ADARB2: variants seen among roughly 807,000 people sequenced by gnomAD.
ADARB2 encodes inactive double-stranded RNA-specific editase B2.
In ADARB2, 25 loss-of-function variants were observed where a neutral mutation model predicts 62.2. The ratio of observed to expected loss-of-function variants is 0.40; its 90% CI spans 0.29 to 0.56. The LOEUF (loss-of-function observed/expected upper bound fraction) is 0.56. ADARB2 is among the 20% of genes least tolerant of loss of function. ADARB2 has a pLI of 0.43. For synonymous variants in ADARB2, 572 were observed against 500.8 expected (o/e 1.14, Z -1.90); for missense variants, 1,071 against 1,077.4 (o/e 0.99, Z 0.08).
At chr10:1,726,843 G>T (rs1030052295) in intron 1 of ADARB2, among the ~76,000 whole-genome samples, 1 of 152,082 alleles carries the variant, frequency 6.6e-6, no homozygotes, top group Admixed American at 6.5e-5. Context: ...GAGACCTCAG[G>T]GGCTCACGCT....
chr10:1,591,399 C>T (rs893826619), intron 1 of ADARB2, among the ~76,000 whole-genome samples: 3 of 152,076 alleles, frequency 2.0e-5, no homozygotes, highest in Non-Finnish European at 4.4e-5. Flanking sequence ...TAAAAGGGTT[C>T]GCTGCTGAGG....
chr10:1,474,714 G>C (rs901597016), intron 1 of ADARB2, among the ~76,000 whole-genome samples: 2 of 152,290 alleles, frequency 1.3e-5, no homozygotes, highest in African/African-American at 4.8e-5. Flanking sequence ...GAATGCGTGG[G>C]AATGGATGAG....
At chr10:1,290,962 C>T (rs1831460847) in intron 3 of ADARB2, 1 of 152,142 alleles carries the variant, frequency 6.6e-6, no homozygotes, top group South Asian at 2.1e-4. Flanking sequence ...CATTTGTGTG[C>T]TGACATGAGG....
In ADARB2 at chr10:1,326,779, T is replaced by TCCCCACGGCCCAGCG. The variant is rs1831852595; in HGVS notation, c.1077+36248_1077+36249insCGCTGGGCCGTGGGG. ...ACGGCGCCTCTGGTAGCACAGCCCC[T>TCCCCACGGCCCAGCG]CCTCACTGCCCAGCGCCTCCCCACG... On this transcript the variant is annotated intron_variant, in intron 3 of 9. Transcript: ENST00000381312. 1.8e-3 allele frequency among the ~76,000 whole-genome samples: 101 copies of TCCCCACGGCCCAGCG among 54,718 alleles called. 31 individuals carry two copies. The highest frequency in any genetic ancestry group is 9.1e-3 in the East Asian group (11 of 1,212). 35.9% of individuals were successfully genotyped at this position (54,718 alleles called of 152,430 possible).
intron 1 of ADARB2, among the ~76,000 whole-genome samples, chr10:1,668,403 G>A (rs1262390289): frequency 6.6e-6 from 1 of 152,218 alleles, no homozygotes; most frequent in Non-Finnish European, 1.5e-5. Context: ...TGTGCTGTTA[G>A]TGCAGTGGAA....
intron 1 of ADARB2, among the ~76,000 whole-genome samples, chr10:1,421,906 T>C (rs1832855269): frequency 6.6e-6 from 1 of 152,240 alleles, no homozygotes; most frequent in Non-Finnish European, 1.5e-5. Flanking sequence ...GGAAGAGCTA[T>C]GTACCCATTG....
At chr10:1,659,236 A>C (rs1834212221) in intron 1 of ADARB2, among the ~76,000 whole-genome samples, 1 of 152,200 alleles carries the variant, frequency 6.6e-6, no homozygotes, top group African/African-American at 2.4e-5. Flanking sequence ...TGCCTATTGC[A>C]CTGTAAATCT....
chr10:1,233,242 A>G (rs4880493), intron 6 of ADARB2, among the ~76,000 whole-genome samples: 54,101 of 152,062 alleles, frequency 0.36, 10,114 homozygotes, highest in East Asian at 0.56. Flanking sequence ...GTGGAACTTT[A>G]TAGTTCACCT....
At chr10:1,385,842 A>G (rs1220388844) in intron 1 of ADARB2, among the ~76,000 whole-genome samples, 2 of 152,180 alleles carry the variant, frequency 1.3e-5, no homozygotes, top group African/African-American at 4.8e-5. Context: ...CAGCACAGCC[A>G]GATTCCTGAA....
intron 1 of ADARB2, among the ~76,000 whole-genome samples, chr10:1,632,741 C>A (rs1371367945): frequency 6.6e-6 from 1 of 152,236 alleles, no homozygotes; most frequent in African/African-American, 2.4e-5. Flanking sequence ...GACCTCACAG[C>A]CCAGCAGTCA....
chr10:1,372,998 CA>C (rs1412793304), intron 2 of ADARB2, among the ~76,000 whole-genome samples: 1 of 152,090 alleles, frequency 6.6e-6, no homozygotes, highest in African/African-American at 2.4e-5. Context: ...GAGACACAAA[CA>C]AATGGAAAAC....
chr10:1,212,934 C>T (rs981106240), intron 7 of ADARB2, among the ~76,000 whole-genome samples: 9 of 152,210 alleles, frequency 5.9e-5, no homozygotes, highest in East Asian at 3.9e-4. Context: ...AGAACTCAGA[C>T]GCAGAAGCAG....
rs1299749692 is a variant in ADARB2, at chr10:1,503,534, C to A, written c.101-124374G>T. ...TGTGAGCCCTTCACATTCATTGTAT[C>A]ATTTCCTTTATACAGCACGATATAG... On this transcript the variant is annotated intron_variant, in intron 1 of 9. Transcript: ENST00000381312. Among the ~76,000 whole-genome samples the A allele has an allele frequency of 4.6e-5, 7 of 152,192 alleles. No individual in the cohort carries two copies. In the East Asian group the frequency reaches 1.4e-3, roughly 29 times the overall value.
intron 1 of ADARB2, among the ~76,000 whole-genome samples, chr10:1,499,819 C>G (rs1831742139): frequency 6.6e-6 from 1 of 152,122 alleles, no homozygotes. Flanking sequence ...ACATCACTCA[C>G]TCATCACTTA....
intron 4 of ADARB2, among the ~76,000 whole-genome samples, chr10:1,262,633 A>G (rs1033416240): frequency 1.2e-4 from 18 of 152,138 alleles, no homozygotes; most frequent in African/African-American, 4.3e-4. Flanking sequence ...AGGAAACAAC[A>G]GGTGCTGGAG....
rs1564225308 is a variant in ADARB2 at position 1,220,276 on chromosome 10, GTAATGGTGATGGTGGTGGTGA to G, written c.1514-3178_1514-3158del. Among the ~76,000 whole-genome samples the G allele has an allele frequency of 3.2e-5, 3 of 93,238 alleles. No homozygotes were observed. The South Asian group carries it at 1.2e-3, about 36-fold the overall frequency. The allele number at this position is 93,238 out of a possible 152,430, so 61.2% of individuals were successfully genotyped here. A position where few individuals can be genotyped will look rare whatever the true frequency, so the allele number is the denominator to read the frequency against. ...GGTGGTGATGATGGTGGTGATGATG[GTAATGGTGATGGTGGTGGTGA>G]TGGTGGTGATGGTGGTAATGGTGAT... On this transcript the variant is annotated intron_variant, in intron 6 of 9. Coordinates refer to ENST00000381312, the MANE Select transcript of ADARB2 (RefSeq NM_018702.4).
chr10:1,189,917 C>T (rs943763567), intron 8 of ADARB2, among the ~76,000 whole-genome samples: 6 of 145,978 alleles, frequency 4.1e-5, no homozygotes, highest in Non-Finnish European at 7.5e-5. Context: ...GAACACGTGG[C>T]GCTACCTCCT....
rs762305456 is a variant in ADARB2, at chr10:1,184,871, A to T, written c.2033T>A (p.Leu678Gln). Reference sequence around the variant, plus strand: ...ATGGGTGCGACCTACCCTGCCATACAGCCGCGCCCACCGTGCAGACAGCAC... The same window carrying T: ...ATGGGTGCGACCTACCCTGCCATACTGCCGCGCCCACCGTGCAGACAGCAC... ...KHVLSARWAR[L>Q]YGRLSTRTPS... is the part of the protein sequence containing the mutation. Residue 678 changes from leucine (L) to glutamine (Q), a missense_variant, in exon 9 of 10, where the codon CTG becomes CAG. Leu to Gln is a moderately radical substitution (Grantham distance 113). Transcript: ENST00000381312. 7 of 1,613,002 alleles carry T rather than the reference A, an allele frequency of 4.3e-6. No individual in the cohort carries two copies. The highest frequency in any genetic ancestry group is 5.9e-6 in the Non-Finnish European group (7 of 1,179,752).
intron 3 of ADARB2, among the ~76,000 whole-genome samples, chr10:1,306,492 A>T (rs1221508772): frequency 1.3e-5 from 2 of 152,022 alleles, no homozygotes; most frequent in Non-Finnish European, 2.9e-5. Context: ...GCCCAAGGTA[A>T]TTTGCAGATT....
Sources: allele counts gnomAD v4.1 joint callset (sites outside exome capture counted in the v4.1 genomes callset), GRCh38; gene constraint gnomAD v4.1.1; transcripts MANE v1.5; gene names NCBI Gene and HGNC (gene_info 2026-07-23, HGNC 2026-07-21).